Variants in CAMK1D observed in about 807,000 individuals in gnomAD.
The protein encoded by CAMK1D is calcium/calmodulin dependent protein kinase ID.
A neutral mutation model predicts 47.7 loss-of-function variants in CAMK1D; 9 were observed. The observed-to-expected ratio is 0.19, with a 90% CI of 0.11 to 0.33. CAMK1D has a LOEUF of 0.33. Among genes scored for constraint, CAMK1D ranks in the 10% least tolerant of loss-of-function variants. The pLI is 1.00. For missense variants in CAMK1D, 291 were observed against 488.7 expected (o/e 0.60, Z 3.81); for synonymous variants, 184 against 184.9 (o/e 0.99, Z 0.04).
At chr10:12,497,008 C>T (rs933423686) in intron 1 of CAMK1D, among the ~76,000 whole-genome samples, 8 of 152,128 alleles carry the variant, frequency 5.3e-5, no homozygotes, top group African/African-American at 1.2e-4. Flanking sequence ...CCTGTTACTG[C>T]GTTAGTTTGC....
intron 2 of CAMK1D, among the ~76,000 whole-genome samples, chr10:12,574,563 C>T (rs1837434718): frequency 6.7e-6 from 1 of 149,830 alleles, no homozygotes; most frequent in Admixed American, 6.7e-5. Context: ...AGTGATCCAC[C>T]CACCTTGGCC....
chr10:12,490,507 GAT>G lies in CAMK1D; in HGVS notation c.93-62716_93-62715del, dbSNP rs538528480. Among the ~76,000 whole-genome samples, 12 of 152,278 alleles carry G rather than the reference GAT, an allele frequency of 7.9e-5. No individual in the cohort carries two copies. The South Asian group carries it at 2.5e-3, about 32-fold the overall frequency. On this transcript the variant is annotated intron_variant, in intron 1 of 10. Transcript: ENST00000619168. ...CAGAACATTATTACTTTCTTAAAGT[GAT>G]AGAATTAGGGCAGTCTCACTGATAT... is the stretch of plus-strand genomic sequence containing the variant.
intron 3 of CAMK1D, among the ~76,000 whole-genome samples, chr10:12,706,001 G>C (rs1383595550): frequency 6.6e-6 from 1 of 152,212 alleles, no homozygotes; most frequent in Non-Finnish European, 1.5e-5. Flanking sequence ...TATCCATTTA[G>C]ATAATTACAG....
chr10:12,639,723 A>G (rs944939864), intron 2 of CAMK1D, among the ~76,000 whole-genome samples: 2 of 152,152 alleles, frequency 1.3e-5, no homozygotes, highest in African/African-American at 4.8e-5. Context: ...GTTTAGTGAT[A>G]TTGATTTGCA....
At chr10:12,397,263 C>T (rs1588440853) in intron 1 of CAMK1D, among the ~76,000 whole-genome samples, 1 of 152,204 alleles carries the variant, frequency 6.6e-6, no homozygotes, top group African/African-American at 2.4e-5. Flanking sequence ...TTTTTGTCTC[C>T]TGCAGGTGTT....
chr10:12,588,787 TATAC>T (rs1247240593), intron 2 of CAMK1D, among the ~76,000 whole-genome samples: 58 of 149,818 alleles, frequency 3.9e-4, no homozygotes, highest in South Asian at 2.1e-3. Context: ...TGTATATATA[TATAC>T]ACACACACAC....
intron 2 of CAMK1D, among the ~76,000 whole-genome samples, chr10:12,569,997 T>C (rs140472879): frequency 0.034 from 5,194 of 151,968 alleles, 311 homozygotes; most frequent in African/African-American, 0.12. Context: ...GTCAGGAGTT[T>C]GAGACCAGCC....
At chr10:12,422,069 A>C (rs955591214) in intron 1 of CAMK1D, among the ~76,000 whole-genome samples, 1 of 151,850 alleles carries the variant, frequency 6.6e-6, no homozygotes, top group Middle Eastern at 3.2e-3. Context: ...TTGGCCTTCC[A>C]AAGTGCTGGG....
chr10:12,819,478 G>T (rs1182696019), intron 8 of CAMK1D, among the ~76,000 whole-genome samples: 3 of 152,214 alleles, frequency 2.0e-5, no homozygotes, highest in Non-Finnish European at 2.9e-5. Flanking sequence ...ACCACTCACT[G>T]CCCGTGTGGA....
chr10:12,422,947 A>AC (rs1248311004), intron 1 of CAMK1D, among the ~76,000 whole-genome samples: 1 of 151,228 alleles, frequency 6.6e-6, no homozygotes, highest in Admixed American at 6.6e-5. Context: ...TGCTGGAGTT[A>AC]CAGGCGTGAG....
At chr10:12,535,629 G>A (rs1835945362) in intron 1 of CAMK1D, among the ~76,000 whole-genome samples, 3 of 152,158 alleles carry the variant, frequency 2.0e-5, no homozygotes, top group Admixed American at 2.0e-4. Flanking sequence ...CTGCAAACAT[G>A]GACAGGTTTA....
intron 1 of CAMK1D, among the ~76,000 whole-genome samples, chr10:12,437,840 C>T (rs1832680194): frequency 6.6e-6 from 1 of 152,196 alleles, no homozygotes; most frequent in Non-Finnish European, 1.5e-5. Flanking sequence ...TCTCCAACCC[C>T]TGGCAATCAC....
At chr10:12,594,158 A>G (rs1286509534) in intron 2 of CAMK1D, among the ~76,000 whole-genome samples, 1 of 152,200 alleles carries the variant, frequency 6.6e-6, no homozygotes, top group Non-Finnish European at 1.5e-5. Context: ...TAACACAATC[A>G]TGGGAGTGAA....
At chr10:12,760,869 G>A in intron 3 of CAMK1D, 79 bp from the exon 4 acceptor site, 1 of 1,508,434 alleles carries the variant, frequency 6.6e-7, no homozygotes, top group Non-Finnish European at 9.1e-7. Context: ...ATAAAGTTTG[G>A]GATTTTTTTC....
At chr10:12,454,899 C>T (rs1833196470) in intron 1 of CAMK1D, among the ~76,000 whole-genome samples, 1 of 152,160 alleles carries the variant, frequency 6.6e-6, no homozygotes, top group Admixed American at 6.5e-5. Flanking sequence ...TTCTCATTGC[C>T]AGGTTATAAT....
At chr10:12,638,856 T>G (rs920421776) in intron 2 of CAMK1D, among the ~76,000 whole-genome samples, 1 of 152,018 alleles carries the variant, frequency 6.6e-6, no homozygotes, top group Non-Finnish European at 1.5e-5. Context: ...TCTGGGAGGG[T>G]GGAAAGGCGT....
chr10:12,635,613 G>A (rs1220039419), intron 2 of CAMK1D, among the ~76,000 whole-genome samples: 1 of 152,196 alleles, frequency 6.6e-6, no homozygotes, highest in East Asian at 1.9e-4. Context: ...CAGATCTATC[G>A]GTTCATGGCT....
At chr10:12,431,243 T>C (rs1392499134) in intron 1 of CAMK1D, among the ~76,000 whole-genome samples, 2 of 152,232 alleles carry the variant, frequency 1.3e-5, no homozygotes, top group African/African-American at 2.4e-5. Context: ...CGGGAAGTTA[T>C]CAAACACACA....
intron 2 of CAMK1D, among the ~76,000 whole-genome samples, chr10:12,662,031 C>A (rs545853798): frequency 9.2e-5 from 14 of 152,284 alleles, no homozygotes; most frequent in African/African-American, 3.4e-4. Context: ...GATAGTACTG[C>A]TAGGTTTGCA....
Sources: allele counts gnomAD v4.1 joint callset (sites outside exome capture counted in the v4.1 genomes callset), GRCh38; gene constraint gnomAD v4.1.1; transcripts MANE v1.5; gene names NCBI Gene and HGNC (gene_info 2026-07-23, HGNC 2026-07-21).